The following HGS variants were observed in gnomAD, a reference collection of about 807,000 sequenced individuals.
HGS encodes hepatocyte growth factor-regulated tyrosine kinase substrate.
Under a neutral mutation model 109.7 loss-of-function variants are expected in HGS, and 63 were observed. The observed-to-expected ratio is 0.57, with a 90% CI of 0.47 to 0.71. The LOEUF (loss-of-function observed/expected upper bound fraction) is 0.71. HGS is among the 30% of genes least tolerant of loss of function. HGS has a pLI of 0.00. For missense variants in HGS, 995 were observed against 1,068.3 expected (o/e 0.93, Z 0.96); for synonymous variants, 546 against 437.3 (o/e 1.25, Z -3.10).
intron 7 of HGS, 26 bp downstream of exon 7, chr17:81,690,768 C>T (rs767863919): frequency 8.8e-6 from 14 of 1,594,360 alleles, no homozygotes; most frequent in Admixed American, 1.7e-5. Flanking sequence ...GGGGGCTCTA[C>T]AGCCCCGGCC....
intron 4 of HGS, 103 bp from the exon 5 acceptor site, chr17:81,688,601 C>T (rs2037018262): frequency 3.5e-6 from 5 of 1,437,054 alleles, no homozygotes; most frequent in Non-Finnish European, 4.8e-6. Flanking sequence ...TCTGTGTCAG[C>T]CCCATCTGCT....
At position 81,695,188 on chromosome 17, in the gene HGS, C is replaced by T; in HGVS notation, c.1144C>T (p.Gln382Ter). ...GAACCCCCTCCCGGAGACAGACTCT[C>T]AGCCCATTCCTCCCTCTGGTGGCCC... ...VENPLPETDS[Q>*]PIPPSGGPFS... Residue 382 changes from glutamine to a stop codon, truncating the protein, a stop_gained, in exon 14 of 22, where the codon CAG (glutamine) becomes TAG (stop). Coordinates refer to ENST00000329138, the MANE Select transcript of HGS (RefSeq NM_004712.5). LOFTEE classifies it high-confidence loss of function. 2 of 1,614,224 alleles carry T rather than the reference C, an allele frequency of 1.2e-6. No homozygotes were observed. Among genetic ancestry groups the T allele is most frequent in the Non-Finnish European group, 8.5e-7 (1 of 1,180,012 alleles).
Position 81,687,023 on chromosome 17 carries a change from G to A in HGS, c.219G>A (p.Lys73=), listed in dbSNP as rs1374335035. The change falls in exon 4 of 22, where the codon AAG becomes AAA. Residue 73 remains lysine (K), a synonymous_variant. Transcript: ENST00000329138. ...TGCAGGTCATGGAATCTGTGGTAAA[G>A]AACTGTGGCCAGACAGTTCATGATG... ...YALEVMESVV[K]NCGQTVHDEV... 3.7e-6 allele frequency: 6 copies of A among 1,613,232 alleles called. No individual in the cohort carries two copies. Among genetic ancestry groups the A allele is most frequent in the African/African-American group, 1.3e-5 (1 of 74,954 alleles).
Position 81,701,670 on chromosome 17 carries a change from G to A in HGS, c.*52G>A, listed in dbSNP as rs1371906361. ...ACACTACATACAGTTCACCTGAAAC[G>A]CCTCGTCTCTAACTGCCGTCGTCCT... On this transcript the variant is annotated 3_prime_UTR_variant, in exon 22 of 22. Transcript: ENST00000329138. The A allele has an allele frequency of 5.3e-6, 8 of 1,510,694 alleles. No individual in the cohort carries two copies. Among genetic ancestry groups the A allele is most frequent in the East Asian group, 2.5e-5 (1 of 40,184 alleles). The allele number at this position is 1,510,694 out of a possible 1,614,324, so 93.6% of individuals were successfully genotyped here. A position where few individuals can be genotyped will look rare whatever the true frequency, so the allele number is the denominator to read the frequency against.
Position 81,694,763 on chromosome 17 carries a change from C to G in HGS, c.937-52C>G. On this transcript the variant is annotated intron_variant, in intron 11 of 21. Coordinates refer to ENST00000329138, the MANE Select transcript of HGS (RefSeq NM_004712.5). Reference sequence around the variant, plus strand: ...GCACTGGGGACATCCCTGTCCCTGCCGAAGCAACTGGCTCTGTCACCTGTG... The same window carrying G: ...GCACTGGGGACATCCCTGTCCCTGCGGAAGCAACTGGCTCTGTCACCTGTG... 3 of 1,612,308 alleles carry G rather than the reference C, an allele frequency of 1.9e-6. No individual in the cohort carries two copies. In the South Asian group the frequency reaches 3.3e-5, roughly 18 times the overall value.
intron 2 of HGS, 102 bp from the exon 3 acceptor site, chr17:81,686,210 C>T (rs1341962529): frequency 5.5e-6 from 5 of 913,510 alleles, no homozygotes; most frequent in African/African-American, 1.6e-5. Context: ...GGATTACAGG[C>T]GTGAGCCACT....
Position 81,691,329 on chromosome 17 carries a change from C to A in HGS, c.538-118C>A. The A allele has an allele frequency of 7.8e-7, 1 of 1,288,920 alleles. No individual in the cohort carries two copies. Among genetic ancestry groups the A allele is most frequent in the Non-Finnish European group, 1.1e-6 (1 of 912,384 alleles). The allele number at this position is 1,288,920 out of a possible 1,614,324, so 79.8% of individuals were successfully genotyped here. A position where few individuals can be genotyped will look rare whatever the true frequency, so the allele number is the denominator to read the frequency against. On this transcript the variant is annotated intron_variant, in intron 7 of 21. Coordinates refer to ENST00000329138, the MANE Select transcript of HGS (RefSeq NM_004712.5). The surrounding 1 kb of genome is among the most constrained non-coding windows in gnomAD (Gnocchi z 5.3). ...TTCCCAGGCACTTGTTCTGCTTGTC[C>A]CTTGCCTTCCCCCACCTGTGAGGCC...
At position 81,691,203 on chromosome 17, in the gene HGS, T is replaced by C. The variant is rs778611186; in HGVS notation, c.538-244T>C. 7.5e-6 allele frequency: 4 copies of C among 536,380 alleles called. No individual in the cohort carries two copies. Among genetic ancestry groups the C allele is most frequent in the Non-Finnish European group, 1.3e-5 (4 of 297,102 alleles). 33.2% of individuals were successfully genotyped at this position (536,380 alleles called of 1,614,324 possible). A position where few individuals can be genotyped will look rare whatever the true frequency, so the allele number is the denominator to read the frequency against. On this transcript the variant is annotated intron_variant, in intron 7 of 21. Coordinates refer to ENST00000329138, the MANE Select transcript of HGS (RefSeq NM_004712.5). This position sits in a 1 kb window ranked among gnomAD's most constrained non-coding sequence, Gnocchi z 5.3. ...GTTTTATCAGCAGAATTGATGTGTA[T>C]TTTTTCCTTGCCCTTACTTTTAACT... is the stretch of plus-strand genomic sequence containing the variant.
At chr17:81,700,925 C>A in intron 20 of HGS, 111 bp downstream of exon 20, 1 of 1,522,054 alleles carries the variant, frequency 6.6e-7, no homozygotes, top group Non-Finnish European at 9.1e-7. Context: ...CCCTTCTGCT[C>A]CTCCCCCTCC....
chr17:81,686,833 G>A (rs1265750460), intron 3 of HGS, among the ~76,000 whole-genome samples, 170 bp from the exon 4 acceptor site: 1 of 149,632 alleles, frequency 6.7e-6, no homozygotes. Context: ...TTCCCCTCCG[G>A]CCACTGACGG....
intron 5 of HGS, 38 bp from the exon 6 acceptor site, chr17:81,690,144 G>T (rs111661441): frequency 0.021 from 34,059 of 1,603,054 alleles, 435 homozygotes; most frequent in Non-Finnish European, 0.024. Flanking sequence ...TTGCAGGCCA[G>T]GTGGGAGCAG....
At chr17:81,693,616 C>T (rs745363948) in intron 9 of HGS, 35 bp downstream of exon 9, 12 of 1,531,812 alleles carry the variant, frequency 7.8e-6, no homozygotes, top group Admixed American at 7.3e-5. Flanking sequence ...GGCACCTCTT[C>T]CCCGGCGCCC....
At chr17:81,690,437 T>C (rs2037045969) in intron 6 of HGS, 1 of 642,804 alleles carries the variant, frequency 1.6e-6, no homozygotes, top group Non-Finnish European at 2.7e-6. Flanking sequence ...GCCTTTAGAG[T>C]GGCTAGGGGG....
At chr17:81,686,968 A>G (rs1277218950) in intron 3 of HGS, 35 bp from the exon 4 acceptor site, 2 of 1,568,654 alleles carry the variant, frequency 1.3e-6, no homozygotes, top group South Asian at 1.1e-5. Context: ...TGCCCTGACC[A>G]CTGGCCCAAC....
chr17:81,685,177 C>G, intron 1 of HGS: 1 of 580,464 alleles, frequency 1.7e-6, no homozygotes, highest in African/African-American at 2.0e-5. Context: ...TAGCCCTTGC[C>G]CAAGCTAAGG....
At chr17:81,687,479 G>A (rs1462055666) in intron 4 of HGS, among the ~76,000 whole-genome samples, 2 of 152,186 alleles carry the variant, frequency 1.3e-5, no homozygotes, top group African/African-American at 4.8e-5. Context: ...GTGGTCCGGA[G>A]GGCAGGCTGG....
At position 81,701,110 on chromosome 17, in the gene HGS, G is replaced by C. The variant is rs745432305; in HGVS notation, c.2202G>C (p.Gly734=). 5 of 1,613,906 alleles carry C rather than the reference G, an allele frequency of 3.1e-6. No homozygotes were observed. In the Middle Eastern group the frequency reaches 8.3e-4, roughly 266 times the overall value. The change falls in exon 21 of 22, where the codon GGG becomes GGC. Residue 734 remains glycine (G), a synonymous_variant. Coordinates refer to ENST00000329138, the MANE Select transcript of HGS (RefSeq NM_004712.5). The part of the protein sequence containing the change: ...SLPPQQPYIA[G]QQPMYQQMAP... ...CACCCCAGCAGCCCTACATCGCGGGGCAGCAGCCCATGTACCAGCAGGTGA... is the reference window on the plus strand; with the variant it reads ...CACCCCAGCAGCCCTACATCGCGGGCCAGCAGCCCATGTACCAGCAGGTGA...
chr17:81,684,727 C>T (rs940207830), intron 1 of HGS, among the ~76,000 whole-genome samples: 3 of 152,200 alleles, frequency 2.0e-5, no homozygotes, highest in Non-Finnish European at 4.4e-5. Context: ...ACGTGCCCAG[C>T]AGCACGTGGA....
intron 11 of HGS, among the ~76,000 whole-genome samples, 159 bp downstream of exon 11, chr17:81,694,124 G>A (rs942851195): frequency 2.6e-5 from 4 of 152,208 alleles, no homozygotes; most frequent in African/African-American, 7.2e-5. Flanking sequence ...TCAGGGCAGA[G>A]CCCCACGGCT....
Sources: allele counts gnomAD v4.1 joint callset (sites outside exome capture counted in the v4.1 genomes callset), GRCh38; gene constraint gnomAD v4.1.1; non-coding constraint Gnocchi (gnomAD v3.1); transcripts MANE v1.5; gene names NCBI Gene and HGNC (gene_info 2026-07-23, HGNC 2026-07-21).